Variants in LRRTM4 observed in about 807,000 individuals in gnomAD.
The protein encoded by LRRTM4 is leucine-rich repeat transmembrane neuronal protein 4.
Under a neutral mutation model 47.6 loss-of-function variants are expected in LRRTM4, and 25 were observed. The ratio of observed to expected loss-of-function variants is 0.53; its 90% CI spans 0.38 to 0.73. The LOEUF is 0.73. LRRTM4 is among the 30% of genes least tolerant of loss of function. The pLI, the probability that LRRTM4 is intolerant of heterozygous loss-of-function variation, is 0.00. For synonymous variants in LRRTM4, 311 were observed against 269.5 expected (o/e 1.15, Z -1.51); for missense variants, 638 against 713.4 (o/e 0.89, Z 1.20).
At chr2:77,195,629 G>C (rs774087243) in intron 3 of LRRTM4, among the ~76,000 whole-genome samples, 52 of 151,972 alleles carry the variant, frequency 3.4e-4, no homozygotes, top group South Asian at 6.2e-4. Context: ...ATATTATGTA[G>C]ATATATAAAA....
chr2:77,195,062 C>G (rs1673772546), intron 3 of LRRTM4, among the ~76,000 whole-genome samples: 1 of 151,902 alleles, frequency 6.6e-6, no homozygotes, highest in Admixed American at 6.6e-5. Context: ...CTTGATATAT[C>G]ATTAATTTTA....
At chr2:77,516,736 T>C in intron 3 of LRRTM4, 3 of 965,952 alleles carry the variant, frequency 3.1e-6, no homozygotes, top group Non-Finnish European at 3.7e-6. Context: ...TAGGAATTTA[T>C]TATCTGGGAT....
chr2:77,366,994 C>T (rs1672484566), intron 3 of LRRTM4, among the ~76,000 whole-genome samples: 1 of 151,712 alleles, frequency 6.6e-6, no homozygotes, highest in Non-Finnish European at 1.5e-5. Context: ...TTTGGGATTA[C>T]CTTTCCATTC....
chr2:77,130,905 G>A (rs1241094670), intron 3 of LRRTM4, among the ~76,000 whole-genome samples: 4 of 116,890 alleles, frequency 3.4e-5, no homozygotes, highest in Non-Finnish European at 4.9e-5. Context: ...CGGGATCTTG[G>A]CTCACTGCAA....
rs148432135 is a variant in LRRTM4 at position 76,891,803 on chromosome 2, G to A, written c.1552-142887C>T. ...ATGAATTGATTTATAAATGATAATA[G>A]ATGAAGCCTTTCTAATTACAACTCA... On this transcript the variant is annotated intron_variant, in intron 3 of 3. Coordinates refer to ENST00000409884, the MANE Select transcript of LRRTM4 (RefSeq NM_001134745.3). 3.7e-3 allele frequency among the ~76,000 whole-genome samples: 564 copies of A among 151,782 alleles called. 2 individuals carry two copies. The highest frequency in any genetic ancestry group is 4.8e-3 in the Non-Finnish European group (328 of 67,704).
chr2:77,080,669 T>C (rs958819997), intron 3 of LRRTM4, among the ~76,000 whole-genome samples: 1 of 152,180 alleles, frequency 6.6e-6, no homozygotes, highest in African/African-American at 2.4e-5. Context: ...TTTTAACAAA[T>C]TATTTAACAC....
At chr2:76,826,811 C>T (rs2103879369) in intron 3 of LRRTM4, among the ~76,000 whole-genome samples, 1 of 151,916 alleles carries the variant, frequency 6.6e-6, no homozygotes, top group South Asian at 2.1e-4. Flanking sequence ...ATCTTCATCT[C>T]CTAAGGAAAG....
At chr2:77,248,895 C>T (rs1005264410) in intron 3 of LRRTM4, among the ~76,000 whole-genome samples, 8 of 151,924 alleles carry the variant, frequency 5.3e-5, no homozygotes, top group African/African-American at 1.9e-4. Flanking sequence ...AAAATTTACT[C>T]AAAATGGATC....
At chr2:76,905,819 A>C (rs193116172) in intron 3 of LRRTM4, among the ~76,000 whole-genome samples, 1 of 152,178 alleles carries the variant, frequency 6.6e-6, no homozygotes, top group South Asian at 2.1e-4. Context: ...AGAAACGAAC[A>C]AAGCCTCCAA....
At chr2:77,461,515 T>C (rs1676788462) in intron 3 of LRRTM4, among the ~76,000 whole-genome samples, 1 of 152,052 alleles carries the variant, frequency 6.6e-6, no homozygotes, top group East Asian at 1.9e-4. Context: ...TACCTCTAAT[T>C]ACCTCCATGG....
intron 3 of LRRTM4, among the ~76,000 whole-genome samples, chr2:77,504,698 A>G (rs1678701706): frequency 6.6e-6 from 1 of 151,640 alleles, no homozygotes; most frequent in Non-Finnish European, 1.5e-5. Flanking sequence ...ATAAGAATAC[A>G]GACTCAAGGA....
chr2:77,512,042 C>T (rs758340703), intron 3 of LRRTM4, among the ~76,000 whole-genome samples: 6 of 152,114 alleles, frequency 3.9e-5, no homozygotes, highest in African/African-American at 7.2e-5. Flanking sequence ...AGGACAACCT[C>T]GAACTTTTGG....
intron 3 of LRRTM4, among the ~76,000 whole-genome samples, chr2:77,012,257 A>G (rs1181454150): frequency 2.0e-5 from 3 of 152,140 alleles, no homozygotes; most frequent in African/African-American, 7.2e-5. Context: ...AGAAATAATT[A>G]TTATTTTCAA....
At chr2:77,309,733 A>G (rs920238465) in intron 3 of LRRTM4, among the ~76,000 whole-genome samples, 3 of 150,104 alleles carry the variant, frequency 2.0e-5, no homozygotes, top group Non-Finnish European at 3.0e-5. Flanking sequence ...ATAGATAGAT[A>G]TAACAAAAGG....
At chr2:77,490,540 T>C (rs1220818898) in intron 3 of LRRTM4, among the ~76,000 whole-genome samples, 3 of 151,948 alleles carry the variant, frequency 2.0e-5, no homozygotes, top group Admixed American at 6.6e-5. Context: ...AAAAGAAAAA[T>C]CCTTAGCGAA....
chr2:76,787,323 G>C (rs1277654211), intron 3 of LRRTM4, among the ~76,000 whole-genome samples: 1 of 152,000 alleles, frequency 6.6e-6, no homozygotes, highest in Non-Finnish European at 1.5e-5. Context: ...TGCTATTACT[G>C]GCAACTTCCT....
intron 3 of LRRTM4, among the ~76,000 whole-genome samples, chr2:76,794,912 T>A (rs557133490): frequency 6.6e-6 from 1 of 152,262 alleles, no homozygotes; most frequent in South Asian, 2.1e-4. Flanking sequence ...AAATTAAGAT[T>A]TAAATGCTAA....
At chr2:77,162,285 C>T (rs1161756477) in intron 3 of LRRTM4, among the ~76,000 whole-genome samples, 2 of 152,180 alleles carry the variant, frequency 1.3e-5, no homozygotes, top group Non-Finnish European at 2.9e-5. Flanking sequence ...GGGCGTCTGC[C>T]ATTGCTGAGG....
intron 3 of LRRTM4, among the ~76,000 whole-genome samples, chr2:76,761,061 G>T (rs1157928570): frequency 6.6e-6 from 1 of 152,156 alleles, no homozygotes; most frequent in Non-Finnish European, 1.5e-5. Context: ...AGCATCCCTG[G>T]TGATTCAAAT....
Sources: gnomAD v4.1 joint callset for allele counts (sites outside exome capture counted in the v4.1 genomes callset) on GRCh38, gnomAD v4.1.1 for gene constraint, MANE v1.5 for transcripts, NCBI Gene and HGNC (gene_info 2026-07-23, HGNC 2026-07-21) for gene names.